RAB37: variants seen among roughly 807,000 people sequenced by gnomAD.
RAB37 encodes ras-related protein Rab-37.
A neutral mutation model predicts 33.1 loss-of-function variants in RAB37; 29 were observed. That is an observed-to-expected ratio of 0.88 (90% CI 0.65 to 1.20). RAB37 has a LOEUF of 1.20. RAB37 is among the 50% of genes most tolerant of loss of function. RAB37 has a pLI of 0.00. For synonymous variants in RAB37, 128 were observed against 119.5 expected (o/e 1.07, Z -0.47); for missense variants, 299 against 301.1 (o/e 0.99, Z 0.05).
chr17:74,692,720 T>C (rs1024907028), intron 1 of RAB37, among the ~76,000 whole-genome samples: 2 of 152,044 alleles, frequency 1.3e-5, no homozygotes, highest in African/African-American at 4.8e-5. Context: ...TAGCCCCTCA[T>C]CTCTCCTCAA....
Position 74,695,492 on chromosome 17 carries a change from T to A in RAB37, c.72+23834T>A, listed in dbSNP as rs4789092. Among the ~76,000 whole-genome samples the A allele has an allele frequency of 2.6e-3, 394 of 152,230 alleles. 1 individual carries two copies. Among genetic ancestry groups the A allele is most frequent in the Non-Finnish European group, 4.4e-3 (297 of 68,024 alleles). ...CTGTGGAATCCCAAGTCACTCAGCC[T>A]GTCTGGGACTCTGCTGCCCACGTGG... On this transcript the variant is annotated intron_variant, in intron 1 of 7. Coordinates refer to the RAB37 transcript ENST00000340415.
intron 1 of RAB37, among the ~76,000 whole-genome samples, chr17:74,680,811 G>A (rs754610691): frequency 4.8e-5 from 7 of 146,580 alleles, no homozygotes; most frequent in Non-Finnish European, 9.2e-5. Flanking sequence ...GTTCATCATC[G>A]CCAGAGTTGT....
In RAB37 at chr17:74,744,874, C is replaced by T. The variant is rs748208881; in HGVS notation, c.434C>T (p.Ala145Val). 1.1e-5 allele frequency: 18 copies of T among 1,614,128 alleles called. No individual in the cohort carries two copies. Among genetic ancestry groups the T allele is most frequent in the Non-Finnish European group, 1.4e-5 (16 of 1,180,056 alleles). ...DVVIMLLGNK[A>V]DMSSERVIRS... is the part of the protein sequence containing the mutation. ...GAGTGACCCATTTGGGCTTGACAGGCGGATATGAGCAGCGAAAGAGTGATC... is the reference window on the plus strand; with the variant it reads ...GAGTGACCCATTTGGGCTTGACAGGTGGATATGAGCAGCGAAAGAGTGATC... The change falls in exon 7 of 9, where the codon GCG becomes GTG. Residue 145 changes from alanine (A) to valine (V), a missense_variant and splice_region_variant. Physicochemically the swap from Ala to Val is moderately conservative, Grantham distance 64 (BLOSUM62 0). Transcript: ENST00000392613. The surrounding 1 kb of genome is among the most constrained non-coding windows in gnomAD (Gnocchi z 4.2).
Position 74,745,598 on chromosome 17 carries a change from G to A in RAB37, c.*187G>A. On this transcript the variant is annotated 3_prime_UTR_variant, in exon 9 of 9. Transcript: ENST00000392613. This position sits in a 1 kb window ranked among gnomAD's most constrained non-coding sequence, Gnocchi z 4.5. ...TTCCTGCGGTCTCCCCGCATCCACA[G>A]GGAGGGTAAAACACTTAGCTTTTAT... 1 of 588,802 alleles carries A rather than the reference G, an allele frequency of 1.7e-6. No homozygotes were observed. Among genetic ancestry groups the A allele is most frequent in the South Asian group, 2.1e-5 (1 of 46,660 alleles). The allele number at this position is 588,802 out of a possible 1,614,324, so 36.5% of individuals were successfully genotyped here.
upstream of RAB37, chr17:74,736,788 A>C (rs1377732639): frequency 4.6e-6 from 7 of 1,535,478 alleles, no homozygotes; most frequent in African/African-American, 2.7e-5. Context: ...CGGGTGACTT[A>C]ACAGATGAGG....
At chr17:74,695,930 G>A in intron 1 of RAB37, 1 of 1,533,658 alleles carries the variant, frequency 6.5e-7, no homozygotes, top group Non-Finnish European at 8.8e-7. Context: ...TCCACGGTGG[G>A]ACGGGACGAG....
chr17:74,731,594 G>A (rs2034385032), intron 2 of RAB37, among the ~76,000 whole-genome samples: 1 of 152,164 alleles, frequency 6.6e-6, no homozygotes, highest in Admixed American at 6.5e-5. Flanking sequence ...GATGTCGATG[G>A]GGTTCACACA....
chr17:74,737,427 T>C, intron 1 of RAB37, 62 bp downstream of exon 1: 1 of 1,492,216 alleles, frequency 6.7e-7, no homozygotes, highest in Non-Finnish European at 8.9e-7. Context: ...CCTGGCTGCG[T>C]CTGGGTTGGA....
At chr17:74,722,143 C>T (rs1314693097) in intron 1 of RAB37, among the ~76,000 whole-genome samples, 1 of 151,900 alleles carries the variant, frequency 6.6e-6, no homozygotes, top group Admixed American at 6.6e-5. Flanking sequence ...ATTAGCCGGG[C>T]GTGGTGGCGG....
In RAB37 at chr17:74,684,056, G is replaced by A. The variant is rs144132346; in HGVS notation, c.72+12398G>A. Among the ~76,000 whole-genome samples the A allele has an allele frequency of 4.3e-3, 653 of 152,170 alleles. 2 individuals carry two copies. The highest frequency in any genetic ancestry group is 6.7e-3 in the Non-Finnish European group (457 of 68,002). On this transcript the variant is annotated intron_variant, in intron 1 of 7. Coordinates refer to the RAB37 transcript ENST00000340415. ...CTGAAAAAACAATAAGTTCATATTG[G>A]TGGCTATTAGTGAATAATGAGAGTC...
At chr17:74,691,632 T>C (rs1182143778) in intron 1 of RAB37, among the ~76,000 whole-genome samples, 1 of 152,222 alleles carries the variant, frequency 6.6e-6, no homozygotes, top group African/African-American at 2.4e-5. Context: ...AGCTAAATTC[T>C]AGTCTTCCCT....
intron 1 of RAB37, among the ~76,000 whole-genome samples, chr17:74,720,646 AC>A (rs1418192601): frequency 1.3e-5 from 2 of 152,158 alleles, no homozygotes; most frequent in African/African-American, 4.8e-5. Flanking sequence ...GTTGCCATCC[AC>A]AGATGGCTAA....
chr17:74,699,918 G>A (rs922447132), intron 1 of RAB37, among the ~76,000 whole-genome samples: 1 of 151,808 alleles, frequency 6.6e-6, no homozygotes, highest in Non-Finnish European at 1.5e-5. Flanking sequence ...AAGTAGGCAG[G>A]TCACTTGAGG....
rs372865920 is a variant in RAB37, at chr17:74,729,342, G to C, written c.159G>C (p.Ser53=). The change falls in exon 2 of 8, where the codon TCG becomes TCC. Residue 53 remains serine (S), a synonymous_variant. Transcript: ENST00000340415. The surrounding 1 kb of genome is among the most constrained non-coding windows in gnomAD (Gnocchi z 4.2). ...GCAAGTTCATCCCCGGCTCCTTCTC[G>C]GCCACTGTGGGCATCGGATTCACGG... is the stretch of plus-strand genomic sequence containing the variant. The C allele has an allele frequency of 3.1e-6, 5 of 1,613,912 alleles. No individual in the cohort carries two copies. Among genetic ancestry groups the C allele is most frequent in the East Asian group, 2.2e-5 (1 of 44,880 alleles).
At position 74,738,867 on chromosome 17, in the gene RAB37, A is replaced by C. The variant is rs1389086168; in HGVS notation, c.93+1502A>C. Among the ~76,000 whole-genome samples the C allele has an allele frequency of 6.6e-6, 1 of 151,568 alleles. No individual in the cohort carries two copies. The highest frequency in any genetic ancestry group is 1.5e-5 in the Non-Finnish European group (1 of 67,844). On this transcript the variant is annotated intron_variant, in intron 1 of 8. Transcript: ENST00000392613. The surrounding 1 kb of genome is among the most constrained non-coding windows in gnomAD (Gnocchi z 5.0). ...AGGCAGACAGTTCCCACCCTGGGCC[A>C]CTCTTCCCTGGGTCTTAGGTGATTC...
chr17:74,736,054 A>G (rs939281548), upstream of RAB37, among the ~76,000 whole-genome samples: 6 of 152,118 alleles, frequency 3.9e-5, no homozygotes, highest in Admixed American at 3.9e-4. Flanking sequence ...AAAAATACAA[A>G]AAGAAAAAAT....
rs1460750444 is a variant in RAB37 at position 74,730,632 on chromosome 17, A to G, written c.183+1266A>G. 6.6e-6 allele frequency among the ~76,000 whole-genome samples: 1 copy of G among 152,142 alleles called. No homozygotes were observed. The highest frequency in any genetic ancestry group is 1.5e-5 in the Non-Finnish European group (1 of 68,014). The stretch of plus-strand genomic sequence containing the variant: ...CCCTGAGGTCTGGGACCAGGCTGCC[A>G]TGAAGCAAACCAGGATGACCTGGTG... On this transcript the variant is annotated intron_variant, in intron 2 of 7. Transcript: ENST00000340415. This position sits in a 1 kb window ranked among gnomAD's most constrained non-coding sequence, Gnocchi z 4.4.
chr17:74,736,539 G>C, upstream of RAB37: 2 of 1,463,340 alleles, frequency 1.4e-6, no homozygotes, highest in Non-Finnish European at 1.8e-6. Context: ...GGTTAATAAG[G>C]CCGGCCCCGC....
At chr17:74,682,902 C>T (rs2031982998) in intron 1 of RAB37, among the ~76,000 whole-genome samples, 1 of 151,780 alleles carries the variant, frequency 6.6e-6, no homozygotes, top group South Asian at 2.1e-4. Flanking sequence ...GAAACTCCGT[C>T]TCAAAAAAAA....
Sources: allele counts gnomAD v4.1 joint callset (sites outside exome capture counted in the v4.1 genomes callset), GRCh38; gene constraint gnomAD v4.1.1; non-coding constraint Gnocchi (gnomAD v3.1); transcripts MANE v1.5; gene names NCBI Gene and HGNC (gene_info 2026-07-23, HGNC 2026-07-21).